TEAD3: variants seen among roughly 807,000 people sequenced by gnomAD.
TEAD3 encodes the protein transcriptional enhancer factor TEF-5.
TEAD3 carries 15 observed loss-of-function variants against 55.6 expected under a neutral mutation model. The ratio of observed to expected loss-of-function variants is 0.27; its 90% CI spans 0.18 to 0.42. TEAD3 has a LOEUF of 0.42. Among genes scored for constraint, TEAD3 ranks in the 10% least tolerant of loss-of-function variants. The pLI is 1.00. For synonymous variants in TEAD3, 210 were observed against 232.2 expected (o/e 0.90, Z 0.87); for missense variants, 407 against 576.8 (o/e 0.71, Z 3.01).
At chr6:35,480,259 C>T (rs778429989) in intron 3 of TEAD3, 53 bp downstream of exon 4, 86 of 1,597,792 alleles carry the variant, frequency 5.4e-5, no homozygotes, top group Admixed American at 1.2e-4. Flanking sequence ...GAGATAGCGC[C>T]GTGGGTGAGG....
At chr6:35,476,390 G>A (rs930445230) in exon 9 of TEAD3, 2 of 1,613,154 alleles carry the variant, frequency 1.2e-6, no homozygotes, top group Non-Finnish European at 1.7e-6. Context: ...CTGCCACACA[G>A]GCACAGAGGC....
At chr6:35,474,074 C>T (rs1036381637), downstream of TEAD3, 3 of 152,182 alleles carry the variant, frequency 2.0e-5, no homozygotes, top group African/African-American at 7.2e-5. Flanking sequence ...AGATTCAAGC[C>T]TCAGGCAAGA....
At chr6:35,494,524 G>A (rs1338334629) in intron 1 of TEAD3, among the ~76,000 whole-genome samples, 1 of 152,178 alleles carries the variant, frequency 6.6e-6, no homozygotes, top group African/African-American at 2.4e-5. Flanking sequence ...GACCTCCCCA[G>A]CTCTACCCAG....
At chr6:35,487,775 C>T (rs1373553349) in intron 1 of TEAD3, among the ~76,000 whole-genome samples, 1 of 151,950 alleles carries the variant, frequency 6.6e-6, no homozygotes, top group Non-Finnish European at 1.5e-5. Context: ...CAACAAAAAA[C>T]ACTAAAGCAG....
At chr6:35,493,811 G>A (rs756821485) in intron 1 of TEAD3, among the ~76,000 whole-genome samples, 9 of 152,180 alleles carry the variant, frequency 5.9e-5, no homozygotes, top group Non-Finnish European at 7.3e-5. Flanking sequence ...GTGCGAGTGC[G>A]GTGTCCTTCA....
Position 35,484,127 on chromosome 6 carries a change from G to A in TEAD3, c.267+433C>T, listed in dbSNP as rs909023889. Reference sequence around the variant, plus strand: ...CTCCCCACTCCCCTAGCCTTGTCTGGGTTGGCTGCTTGTCCCAGGGTGCCC... The same window carrying A: ...CTCCCCACTCCCCTAGCCTTGTCTGAGTTGGCTGCTTGTCCCAGGGTGCCC... On this transcript the variant is annotated intron_variant, in intron 3 of 12. Transcript: ENST00000639578. This position sits in a 1 kb window ranked among gnomAD's most constrained non-coding sequence, Gnocchi z 5.8. Among the ~76,000 whole-genome samples the A allele has an allele frequency of 6.6e-6, 1 of 152,108 alleles. No homozygotes were observed. Among genetic ancestry groups the A allele is most frequent in the Non-Finnish European group, 1.5e-5 (1 of 68,006 alleles).
In TEAD3 at chr6:35,486,905, G is replaced by A. The variant is rs1356478627; in HGVS notation, c.-49-194C>T. Among the ~76,000 whole-genome samples, 2 of 152,174 alleles carry A rather than the reference G, an allele frequency of 1.3e-5. No homozygotes were observed. Among genetic ancestry groups the A allele is most frequent in the South Asian group, 2.1e-4 (1 of 4,826 alleles). On this transcript the variant is annotated intron_variant, in intron 1 of 12. Coordinates refer to ENST00000639578, the Ensembl canonical transcript of TEAD3. The surrounding 1 kb of genome is among the most constrained non-coding windows in gnomAD (Gnocchi z 7.3). ...GAGCTGTGTGACCTGGGATGCACGC[G>A]CTACTTCACCTCTCTAGGCCTCAGT...
downstream of TEAD3, chr6:35,474,884 A>T: frequency 1.6e-6 from 1 of 612,312 alleles, no homozygotes; most frequent in Non-Finnish European, 2.9e-6. Context: ...GAACAGTGGC[A>T]GGGAGTGTGT....
In TEAD3 at chr6:35,478,588, G is replaced by A. The variant is rs1198996238; in HGVS notation, c.343-17C>T. On this transcript the variant is annotated splice_polypyrimidine_tract_variant and intron_variant, in intron 5 of 12. Coordinates refer to ENST00000639578, the Ensembl canonical transcript of TEAD3. ...GACCTGGTCCTGGGGAGAGGAGGCT[G>A]CATGAAGCCAGGGCCACGCTGGATG... The A allele has an allele frequency of 6.4e-7, 1 of 1,572,662 alleles. No homozygotes were observed. The highest frequency in any genetic ancestry group is 8.6e-7 in the Non-Finnish European group (1 of 1,159,368).
chr6:35,477,362 A>C, exon 8 of TEAD3: 7 of 1,602,272 alleles, frequency 4.4e-6, no homozygotes, highest in Non-Finnish European at 5.9e-6. Context: ...GGCTGTGCAA[A>C]GGGCTTGATG....
Position 35,475,842 on chromosome 6 carries a change from T to C in TEAD3, c.900+77A>G. ...CATGAGGATGCAGCAGGGTCAGAGG[T>C]CAATGCAGTGGGCCTGGATGTTGCA... On this transcript the variant is annotated intron_variant, in intron 10 of 12. Coordinates refer to ENST00000639578, the Ensembl canonical transcript of TEAD3. The surrounding 1 kb of genome is among the most constrained non-coding windows in gnomAD (Gnocchi z 5.4). 1.3e-6 allele frequency: 2 copies of C among 1,499,114 alleles called. No individual in the cohort carries two copies. Among genetic ancestry groups the C allele is most frequent in the East Asian group, 4.6e-5 (2 of 43,740 alleles). 92.9% of individuals were successfully genotyped at this position (1,499,114 alleles called of 1,614,324 possible).
chr6:35,486,366 C>T lies in TEAD3; in HGVS notation c.202+95G>A, dbSNP rs1421248925. On this transcript the variant is annotated intron_variant, in intron 2 of 12. Transcript: ENST00000639578. The surrounding 1 kb of genome is among the most constrained non-coding windows in gnomAD (Gnocchi z 7.3). ...TGCGCGCCCAGACTCGCCCGGCCAG[C>T]GGCTGGCGGCCTCCGACGTCACCAA... 12 of 1,415,118 alleles carry T rather than the reference C, an allele frequency of 8.5e-6. No homozygotes were observed. The highest frequency in any genetic ancestry group is 2.9e-5 in the African/African-American group (2 of 69,804). The allele number at this position is 1,415,118 out of a possible 1,614,324, so 87.7% of individuals were successfully genotyped here.
exon 6 of TEAD3, chr6:35,478,463 G>A (rs748013772): frequency 9.9e-6 from 16 of 1,613,170 alleles, no homozygotes; most frequent in Non-Finnish European, 1.3e-5. Context: ...ACGGCCTGGG[G>A]CAGAGGGGAA....
Position 35,486,356 on chromosome 6 carries a change from G to C in TEAD3, c.202+105C>G. 7.4e-7 allele frequency: 1 copy of C among 1,356,900 alleles called. No individual in the cohort carries two copies. Among genetic ancestry groups the C allele is most frequent in the Non-Finnish European group, 1.0e-6 (1 of 1,002,148 alleles). The allele number at this position is 1,356,900 out of a possible 1,614,324, so 84.1% of individuals were successfully genotyped here. ...CACACAGGCTTGCGCGCCCAGACTC[G>C]CCCGGCCAGCGGCTGGCGGCCTCCG... is the stretch of plus-strand genomic sequence containing the variant. On this transcript the variant is annotated intron_variant, in intron 2 of 12. Transcript: ENST00000639578. This position sits in a 1 kb window ranked among gnomAD's most constrained non-coding sequence, Gnocchi z 7.3.
intron 1 of TEAD3, among the ~76,000 whole-genome samples, chr6:35,489,139 A>G (rs937731762): frequency 6.6e-6 from 1 of 152,240 alleles, no homozygotes; most frequent in African/African-American, 2.4e-5. Flanking sequence ...TTGAGTCTAG[A>G]CTTAATATTA....
intron 3 of TEAD3, among the ~76,000 whole-genome samples, chr6:35,481,200 C>T (rs1321238512): frequency 6.6e-6 from 1 of 152,122 alleles, no homozygotes; most frequent in Non-Finnish European, 1.5e-5. Flanking sequence ...CAAACTTGAG[C>T]TAATCACTGT....
chr6:35,489,582 G>A (rs1768463166), intron 1 of TEAD3, among the ~76,000 whole-genome samples: 1 of 152,176 alleles, frequency 6.6e-6, no homozygotes, highest in African/African-American at 2.4e-5. Flanking sequence ...ATGGCCAGTG[G>A]GCGGCCAGAA....
chr6:35,477,200 T>C (rs1477675500), intron 8 of TEAD3, 111 bp downstream of exon 8: 2 of 1,127,560 alleles, frequency 1.8e-6, no homozygotes, highest in Non-Finnish European at 2.6e-6. Context: ...CCCAATCTCC[T>C]GTAGATGTCG....
chr6:35,477,482 G>T, intron 7 of TEAD3, 110 bp from the exon 8 acceptor site: 1 of 1,013,874 alleles, frequency 9.9e-7, no homozygotes, highest in Non-Finnish European at 1.4e-6. Context: ...TTTCTGCTGA[G>T]GCCCAGAAAC....
Sources: allele counts gnomAD v4.1 joint callset (sites outside exome capture counted in the v4.1 genomes callset), GRCh38; gene constraint gnomAD v4.1.1; non-coding constraint Gnocchi (gnomAD v3.1); transcripts MANE v1.5; gene names NCBI Gene and HGNC (gene_info 2026-07-23, HGNC 2026-07-21).